The following PTPRN2 variants were observed in gnomAD, a reference collection of about 807,000 sequenced individuals.
PTPRN2 encodes receptor-type tyrosine-protein phosphatase N2.
PTPRN2 carries 74 observed loss-of-function variants against 118.8 expected under a neutral mutation model. The observed-to-expected ratio is 0.62, with a 90% CI of 0.52 to 0.76. The LOEUF (loss-of-function observed/expected upper bound fraction) is 0.76, where lower values mean the gene tolerates loss of function less well. PTPRN2 is among the 30% of genes least tolerant of loss of function. The pLI, the probability that PTPRN2 is intolerant of heterozygous loss-of-function variation, is 0.00. For synonymous variants in PTPRN2, 641 were observed against 608.0 expected (o/e 1.05, Z -0.80); for missense variants, 1,481 against 1,394.4 (o/e 1.06, Z -0.99).
At chr7:158,138,740 C>A (rs920932593) in intron 6 of PTPRN2, among the ~76,000 whole-genome samples, 1 of 152,210 alleles carries the variant, frequency 6.6e-6, no homozygotes, top group Non-Finnish European at 1.5e-5. Flanking sequence ...GGTGGAAAAC[C>A]CACAGAATGG....
At chr7:158,305,443 A>G (rs929151391) in intron 3 of PTPRN2, among the ~76,000 whole-genome samples, 3 of 152,200 alleles carry the variant, frequency 2.0e-5, no homozygotes, top group South Asian at 2.1e-4. Flanking sequence ...AGAAAAAAAG[A>G]TGGATGTGGC....
intron 12 of PTPRN2, among the ~76,000 whole-genome samples, chr7:157,806,590 ATC>A (rs2151107174): frequency 6.6e-6 from 1 of 152,264 alleles, no homozygotes; most frequent in South Asian, 2.1e-4. Context: ...ATGCGTGTAC[ATC>A]TGTGTGCCCA....
chr7:158,116,492 G>A (rs913606536), intron 9 of PTPRN2, among the ~76,000 whole-genome samples: 1 of 152,234 alleles, frequency 6.6e-6, no homozygotes, highest in African/African-American at 2.4e-5. Context: ...CAGCCCTGTG[G>A]CAAGCAGCTG....
intron 12 of PTPRN2, among the ~76,000 whole-genome samples, chr7:157,878,298 C>T (rs527359123): frequency 6.4e-4 from 97 of 151,890 alleles, no homozygotes; most frequent in Middle Eastern, 3.4e-3. Context: ...CGTGCACCCA[C>T]ACTTACTCAC....
chr7:157,836,818 G>C (rs1165516960), intron 12 of PTPRN2, among the ~76,000 whole-genome samples: 8 of 152,052 alleles, frequency 5.3e-5, no homozygotes, highest in Non-Finnish European at 1.2e-4. Flanking sequence ...TCCAAATTGT[G>C]TCACCAAATC....
At chr7:158,268,114 C>T in intron 3 of PTPRN2, among the ~76,000 whole-genome samples, 1 of 152,250 alleles carries the variant, frequency 6.6e-6, no homozygotes, top group East Asian at 1.9e-4. Flanking sequence ...CTGTGTCTCA[C>T]CTGCAATCAC....
In PTPRN2 at chr7:157,862,349, G is replaced by T. The variant is rs180772434; in HGVS notation, c.1788+36324C>A. Among the ~76,000 whole-genome samples, 384 of 152,354 alleles carry T rather than the reference G, an allele frequency of 2.5e-3. 1 individual carries two copies. The highest frequency in any genetic ancestry group is 6.4e-3 in the African/African-American group (268 of 41,582). ...TGTGCCCTCTGTTAGGAAGTTCCCT[G>T]ACAGACTTGAGCCCACGGCTAGGGG... On this transcript the variant is annotated intron_variant, in intron 12 of 22. Transcript: ENST00000389418.
intron 1 of PTPRN2, among the ~76,000 whole-genome samples, chr7:158,571,525 CTTTT>C (rs552051165): frequency 4.7e-4 from 34 of 71,804 alleles, no homozygotes; most frequent in Non-Finnish European, 7.8e-4. Flanking sequence ...ACACCTATTT[CTTTT>C]TTTTTTTTTT....
chr7:158,106,486 C>T (rs1815693839), intron 10 of PTPRN2, among the ~76,000 whole-genome samples: 2 of 152,206 alleles, frequency 1.3e-5, no homozygotes, highest in Admixed American at 6.5e-5. Context: ...ACACACACAC[C>T]TCCGTGTATC....
intron 11 of PTPRN2, among the ~76,000 whole-genome samples, chr7:158,051,628 G>T (rs542780153): frequency 3.3e-5 from 5 of 152,184 alleles, no homozygotes; most frequent in African/African-American, 7.2e-5. Context: ...GCGAGCGCCC[G>T]CCACCTTCAT....
intron 11 of PTPRN2, among the ~76,000 whole-genome samples, chr7:158,066,226 G>A (rs559381646): frequency 1.4e-4 from 21 of 152,176 alleles, no homozygotes; most frequent in Non-Finnish European, 2.4e-4. Context: ...CTCCCTCTCC[G>A]TTCCCAACCA....
At chr7:158,170,225 TCAATCTC>T (rs1482523252) in intron 5 of PTPRN2, among the ~76,000 whole-genome samples, 1 of 152,172 alleles carries the variant, frequency 6.6e-6, no homozygotes, top group Non-Finnish European at 1.5e-5. Flanking sequence ...GGTGTAAGTG[TCAATCTC>T]CAGCTCAGCC....
intron 3 of PTPRN2, among the ~76,000 whole-genome samples, chr7:158,262,509 C>CACACAT (rs35629086): frequency 2.7e-3 from 9 of 3,358 alleles, no homozygotes; most frequent in East Asian, 0.02. Context: ...ACACACACTG[C>CACACAT]ACACACATTC....
chr7:158,110,694 A>G, intron 10 of PTPRN2, 135 bp downstream of exon 10: 2 of 807,882 alleles, frequency 2.5e-6, no homozygotes, highest in Non-Finnish European at 4.0e-6. Context: ...AGCTGCTGAA[A>G]TCACCTTTCA....
chr7:158,435,948 TG>T (rs1816544817), intron 2 of PTPRN2, among the ~76,000 whole-genome samples: 1 of 152,144 alleles, frequency 6.6e-6, no homozygotes, highest in African/African-American at 2.4e-5. Flanking sequence ...TGCTAATCAA[TG>T]GGTATCAAGT....
At chr7:158,409,850 G>A (rs1402904753) in intron 2 of PTPRN2, among the ~76,000 whole-genome samples, 1 of 152,194 alleles carries the variant, frequency 6.6e-6, no homozygotes, top group Non-Finnish European at 1.5e-5. Flanking sequence ...CTGAGAAGAT[G>A]TGTTGACGTC....
chr7:158,587,620 G>T lies in PTPRN2; in HGVS notation c.50C>A (p.Pro17Gln). The change falls in exon 1 of 23, where the codon CCA (proline) becomes CAA (glutamine). Residue 17 changes from proline (P) to glutamine (Q), a missense_variant. By Grantham distance (76) the Pro-to-Gln change is moderately conservative. Transcript: ENST00000389418. The stretch of plus-strand genomic sequence containing the variant: ...CGAAGGGGCGGCAGGCAGGACGCGT[G>T]GCGGCAGCAGCAGCAGTAGCAGCAG... ...LLLLLLLLLP[P>Q]RVLPAAPSSV... 1 of 1,361,688 alleles carries T rather than the reference G, an allele frequency of 7.3e-7. No homozygotes were observed. The highest frequency in any genetic ancestry group is 9.4e-7 in the Non-Finnish European group (1 of 1,063,280). 84.4% of individuals were successfully genotyped at this position (1,361,688 alleles called of 1,614,324 possible). A position where few individuals can be genotyped will look rare whatever the true frequency, so the allele number is the denominator to read the frequency against.
intron 12 of PTPRN2, among the ~76,000 whole-genome samples, chr7:157,730,882 G>C (rs371760158): frequency 6.6e-6 from 1 of 152,146 alleles, no homozygotes; most frequent in Admixed American, 6.5e-5. Context: ...CAGCTCTTCC[G>C]CTTGTTCTCT....
At chr7:158,488,184 C>T (rs951303872) in intron 2 of PTPRN2, among the ~76,000 whole-genome samples, 1 of 152,138 alleles carries the variant, frequency 6.6e-6, no homozygotes, top group Admixed American at 6.5e-5. Context: ...TGAGTCCAGG[C>T]AGACGACGTA....
Sources: allele counts gnomAD v4.1 joint callset (sites outside exome capture counted in the v4.1 genomes callset), GRCh38; gene constraint gnomAD v4.1.1; transcripts MANE v1.5; gene names NCBI Gene and HGNC (gene_info 2026-07-23, HGNC 2026-07-21).